Variants in FMO4 observed in about 807,000 individuals in gnomAD.
FMO4 encodes flavin containing dimethylaniline monoxygenase 4.
Under a neutral mutation model 43.3 loss-of-function variants are expected in FMO4, and 38 were observed. That is an observed-to-expected ratio of 0.88 (90% CI 0.68 to 1.15). FMO4 has a LOEUF of 1.15. Ranked by LOEUF, FMO4 falls within the 50% of genes most tolerant of loss-of-function variation. The pLI is 0.00. For missense variants in FMO4, 631 were observed against 663.3 expected (o/e 0.95, Z 0.54); for synonymous variants, 224 against 232.2 (o/e 0.96, Z 0.32).
intron 2 of FMO4, among the ~76,000 whole-genome samples, chr1:171,319,284 T>A (rs1571388408): frequency 1.3e-5 from 2 of 152,204 alleles, no homozygotes; most frequent in Non-Finnish European, 2.9e-5. Context: ...CATCCCCAGC[T>A]GAACTCCTCT....
rs948356474 is a variant in FMO4 at position 171,341,359 on chromosome 1, G to T, written c.1251-54G>T. Reference sequence around the variant, plus strand: ...AGGATGGGTGGGTCTGATAACTTGAGAAATGCAGGGCAGGTGTGATTAATG... The same window carrying T: ...AGGATGGGTGGGTCTGATAACTTGATAAATGCAGGGCAGGTGTGATTAATG... On this transcript the variant is annotated intron_variant, in intron 9 of 9. Transcript: ENST00000367749. The T allele has an allele frequency of 4.3e-6, 6 of 1,383,756 alleles. No homozygotes were observed. In the African/African-American group the frequency reaches 8.6e-5, roughly 20 times the overall value. The allele number at this position is 1,383,756 out of a possible 1,614,324, so 85.7% of individuals were successfully genotyped here. A position where few individuals can be genotyped will look rare whatever the true frequency, so the allele number is the denominator to read the frequency against.
chr1:171,319,859 GT>G lies in FMO4; in HGVS notation c.35del (p.Val12GlyfsTer40). On this transcript the variant is annotated frameshift_variant, in exon 3 of 10. Transcript: ENST00000367749. LOFTEE classifies it high-confidence loss of function. ...GAAAGTTGCAGTGATTGGAGCTGGT[GT>G]GAGTGGCCTCTCCTCCATCAAATGC... Reference protein sequence around the residue: ...AKKVAVIGAGVSGLSSIKCCV... With the variant: ...AKKVAVIGAGXSGLSSIKCCV... 1 of 1,613,918 alleles carries G rather than the reference GT, an allele frequency of 6.2e-7. No individual in the cohort carries two copies. The highest frequency in any genetic ancestry group is 8.5e-7 in the Non-Finnish European group (1 of 1,179,800).
chr1:171,323,333 C>T (rs753953964), intron 4 of FMO4, 141 bp downstream of exon 4: 17 of 617,714 alleles, frequency 2.8e-5, no homozygotes, highest in Middle Eastern at 4.4e-4. Context: ...TCCTCACTTC[C>T]GCTGCTGCTC....
chr1:171,324,567 A>G (rs1198405614), intron 5 of FMO4, among the ~76,000 whole-genome samples: 1 of 152,182 alleles, frequency 6.6e-6, no homozygotes, highest in Non-Finnish European at 1.5e-5. Context: ...ATAAGGTTCA[A>G]AACAATCAGA....
At chr1:171,338,074 A>G (rs1401724196) in intron 9 of FMO4, among the ~76,000 whole-genome samples, 1 of 151,842 alleles carries the variant, frequency 6.6e-6, no homozygotes, top group Non-Finnish European at 1.5e-5. Flanking sequence ...ACTTTTCCCC[A>G]TCTCAGTTCA....
In FMO4 at chr1:171,335,344, C is replaced by A. The variant is rs1663076658; in HGVS notation, c.1180+581C>A. The stretch of plus-strand genomic sequence containing the variant: ...AATGGGGATAATAAATCCCGTATGA[C>A]AAGAATTTTGTAAAAAGGATAATGT... On this transcript the variant is annotated intron_variant, in intron 8 of 9. Transcript: ENST00000367749. Among the ~76,000 whole-genome samples, 11 of 152,232 alleles carry A rather than the reference C, an allele frequency of 7.2e-5. No homozygotes were observed. In the South Asian group the frequency reaches 2.3e-3, roughly 32 times the overall value.
At chr1:171,318,956 G>T (rs1477951024) in intron 2 of FMO4, among the ~76,000 whole-genome samples, 1 of 152,172 alleles carries the variant, frequency 6.6e-6, no homozygotes, top group Non-Finnish European at 1.5e-5. Flanking sequence ...GTGCTTTTGG[G>T]CTCTGGCCCC....
At chr1:171,315,918 A>C (rs149449795) in intron 1 of FMO4, among the ~76,000 whole-genome samples, 1 of 152,148 alleles carries the variant, frequency 6.6e-6, no homozygotes, top group African/African-American at 2.4e-5. Context: ...CTACCATAGG[A>C]CTTAGCACAA....
chr1:171,320,892 G>C (rs1222221642), intron 3 of FMO4, among the ~76,000 whole-genome samples: 3 of 152,138 alleles, frequency 2.0e-5, no homozygotes, highest in Non-Finnish European at 4.4e-5. Context: ...TAGGGGAAAA[G>C]AAGAGTGGCA....
chr1:171,336,960 T>TGCGC (rs1438494594), intron 8 of FMO4, among the ~76,000 whole-genome samples: 2 of 120,016 alleles, frequency 1.7e-5, no homozygotes, highest in South Asian at 5.4e-4. Flanking sequence ...AACACAAACA[T>TGCGC]GCACACACAC....
intron 7 of FMO4, among the ~76,000 whole-genome samples, chr1:171,333,430 G>A (rs1482983289): frequency 1.3e-5 from 2 of 151,942 alleles, no homozygotes; most frequent in African/African-American, 4.8e-5. Context: ...CACCATGTTG[G>A]CCAGGCTGGT....
At chr1:171,335,126 G>A (rs996990382) in intron 8 of FMO4, among the ~76,000 whole-genome samples, 8 of 152,076 alleles carry the variant, frequency 5.3e-5, no homozygotes, top group Admixed American at 1.3e-4. Context: ...GAAAGATATT[G>A]GAATAATATA....
intron 2 of FMO4, among the ~76,000 whole-genome samples, chr1:171,317,247 A>G (rs374944777): frequency 3.9e-5 from 6 of 152,208 alleles, no homozygotes; most frequent in East Asian, 3.8e-4. Flanking sequence ...CCCCAAGGCA[A>G]ATACCACTGT....
At position 171,341,855 on chromosome 1, in the gene FMO4, G is replaced by A; in HGVS notation, c.*16G>A. On this transcript the variant is annotated 3_prime_UTR_variant, in exon 10 of 10. Coordinates refer to ENST00000367749, the MANE Select transcript of FMO4 (RefSeq NM_002022.3). ...GCGAGGATGAACCTGATTGTTACAA[G>A]GGTTACACAAAGTCATGCTAATTCT... The A allele has an allele frequency of 6.3e-7, 1 of 1,589,824 alleles. No individual in the cohort carries two copies. The highest frequency in any genetic ancestry group is 8.6e-7 in the Non-Finnish European group (1 of 1,165,794).
rs145041090 is a variant in FMO4 at position 171,330,455 on chromosome 1, T to C, written c.485-1185T>C. On this transcript the variant is annotated intron_variant, in intron 5 of 9. Transcript: ENST00000367749. ...TAATAAAGACACACCCAAGACTGGG[T>C]AATTCATAAAGGAAAGAAGTTTAAT... Among the ~76,000 whole-genome samples, 16 of 152,350 alleles carry C rather than the reference T, an allele frequency of 1.1e-4. 1 individual carries two copies. Among genetic ancestry groups the C allele is most frequent in the African/African-American group, 2.9e-4 (12 of 41,588 alleles).
chr1:171,331,108 T>C (rs533668551), intron 5 of FMO4, among the ~76,000 whole-genome samples: 180 of 152,344 alleles, frequency 1.2e-3, no homozygotes, highest in African/African-American at 4.0e-3. Flanking sequence ...ATATTATATA[T>C]ACAAATCACA....
At chr1:171,323,804 C>G (rs1221823708) in intron 4 of FMO4, among the ~76,000 whole-genome samples, 1 of 152,148 alleles carries the variant, frequency 6.6e-6, no homozygotes. Flanking sequence ...ATCTAGATGT[C>G]TGAACCACAG....
At chr1:171,325,817 CTTTTTTTTTTTTTTTTTTTTTTTTTT>C (rs869107866) in intron 5 of FMO4, among the ~76,000 whole-genome samples, 63 of 51,030 alleles carry the variant, frequency 1.2e-3, no homozygotes, top group Admixed American at 3.2e-3. Flanking sequence ...ATAGACTATC[CTTTTTTTTTTTTTTTTTTTTTTTTTT>C]TTTTTTTTTT....
intron 5 of FMO4, among the ~76,000 whole-genome samples, chr1:171,329,619 A>AC (rs1419435543): frequency 6.6e-6 from 1 of 152,096 alleles, no homozygotes; most frequent in Non-Finnish European, 1.5e-5. Context: ...TGCTCTGTAG[A>AC]CCCCAAACAT....
Sources: gnomAD v4.1 joint callset for allele counts (sites outside exome capture counted in the v4.1 genomes callset) on GRCh38, gnomAD v4.1.1 for gene constraint, MANE v1.5 for transcripts, NCBI Gene and HGNC (gene_info 2026-07-23, HGNC 2026-07-21) for gene names.